SSBP1: variants seen among roughly 807,000 people sequenced by gnomAD.
SSBP1 encodes the protein single stranded DNA binding protein 1, also known as single-stranded DNA-binding protein, mitochondrial.
In SSBP1, 20 loss-of-function variants were observed where a neutral mutation model predicts 27.0. The ratio of observed to expected loss-of-function variants is 0.74; its 90% CI spans 0.52 to 1.08. SSBP1 has a LOEUF of 1.08. Ranked by LOEUF, SSBP1 falls within the 50% of genes least tolerant of loss-of-function variation. SSBP1 has a pLI of 0.00. For synonymous variants in SSBP1, 59 were observed against 59.3 expected (o/e 1.00, Z 0.02); for missense variants, 137 against 182.4 (o/e 0.75, Z 1.44).
Position 141,750,471 on chromosome 7 carries a change from A to G in SSBP1, c.*117A>G. 1 of 845,622 alleles carries G rather than the reference A, an allele frequency of 1.2e-6. No individual in the cohort carries two copies. 52.4% of individuals were successfully genotyped at this position (845,622 alleles called of 1,614,324 possible). A position where few individuals can be genotyped will look rare whatever the true frequency, so the allele number is the denominator to read the frequency against. The stretch of plus-strand genomic sequence containing the variant: ...ACTCTTTTACGTAAAATGAGTAATA[A>G]TCTTTTTTCTGACTGTCGTTCTCGC... On this transcript the variant is annotated 3_prime_UTR_variant, in exon 7 of 7. Transcript: ENST00000265304.
intron 3 of SSBP1, 46 bp from the exon 4 acceptor site, chr7:141,743,515 C>T: frequency 6.3e-7 from 1 of 1,595,850 alleles, no homozygotes; most frequent in Non-Finnish European, 8.6e-7. Context: ...CACAACTATT[C>T]AGTCTATAGC....
At chr7:141,743,349 A>G (rs994090135) in intron 3 of SSBP1, among the ~76,000 whole-genome samples, 6 of 152,172 alleles carry the variant, frequency 3.9e-5, no homozygotes, top group Admixed American at 1.3e-4. Flanking sequence ...GTGTCTTCAT[A>G]TGGTAGAGAC....
chr7:141,747,071 T>C (rs1374195803), intron 6 of SSBP1, among the ~76,000 whole-genome samples: 1 of 152,194 alleles, frequency 6.6e-6, no homozygotes, highest in Admixed American at 6.5e-5. Context: ...AACTTTAAAA[T>C]ATTTAAAAGA....
intron 6 of SSBP1, chr7:141,746,031 T>A: frequency 1.1e-6 from 1 of 934,366 alleles, no homozygotes; most frequent in Non-Finnish European, 1.3e-6. Flanking sequence ...TTTAATTTTA[T>A]TTTTTTTGAG....
intron 3 of SSBP1, among the ~76,000 whole-genome samples, chr7:141,742,894 G>A (rs964111228): frequency 5.9e-5 from 9 of 152,000 alleles, no homozygotes; most frequent in Non-Finnish European, 1.0e-4. Context: ...TTGCTCTGTC[G>A]CCCAGGCTGG....
Position 141,739,143 on chromosome 7 carries a change from C to A in SSBP1, c.-24C>A. 1 of 1,587,700 alleles carries A rather than the reference C, an allele frequency of 6.3e-7. No individual in the cohort carries two copies. The highest frequency in any genetic ancestry group is 8.6e-7 in the Non-Finnish European group (1 of 1,169,440). ...CTTCAGGAAAAGCCTAAAGATTAGA[C>A]TGTAAGAAAAGAAAATAGAAGCCAT... is the stretch of plus-strand genomic sequence containing the variant. On this transcript the variant is annotated 5_prime_UTR_variant, in exon 2 of 7. It adds an upstream start codon to the 5' untranslated region. Transcript: ENST00000265304.
intron 3 of SSBP1, among the ~76,000 whole-genome samples, chr7:141,743,168 T>C (rs1799629172): frequency 6.6e-6 from 1 of 152,210 alleles, no homozygotes; most frequent in South Asian, 2.1e-4. Context: ...TGGATTTCTT[T>C]AATGGTCAGC....
At chr7:141,740,655 A>G (rs1031230643) in intron 2 of SSBP1, 2 of 152,202 alleles carry the variant, frequency 1.3e-5, no homozygotes, top group African/African-American at 4.8e-5. Flanking sequence ...TGTGGTAGTG[A>G]CTACCTTTGC....
At chr7:141,741,064 ATC>A (rs1799508194) in intron 2 of SSBP1, 1 of 152,190 alleles carries the variant, frequency 6.6e-6, no homozygotes, top group African/African-American at 2.4e-5. Context: ...AATGTAACCT[ATC>A]TCTCGTTCTC....
chr7:141,743,745 AG>A, intron 4 of SSBP1, 44 bp downstream of exon 4: 3 of 1,593,004 alleles, frequency 1.9e-6, no homozygotes, highest in Non-Finnish European at 1.7e-6. Flanking sequence ...AGCAATAAAT[AG>A]ATATTATTTA....
intron 5 of SSBP1, among the ~76,000 whole-genome samples, chr7:141,744,877 A>T (rs939477381): frequency 6.6e-6 from 1 of 151,620 alleles, no homozygotes; most frequent in African/African-American, 2.4e-5. Context: ...GTGGTGGTAG[A>T]CTCTCAAAAC....
intron 3 of SSBP1, among the ~76,000 whole-genome samples, chr7:141,742,947 C>T (rs745947957): frequency 2.0e-4 from 31 of 152,162 alleles, no homozygotes; most frequent in Non-Finnish European, 3.2e-4. Context: ...CTCTGCCTCC[C>T]GGGTTCATGC....
At position 141,750,380 on chromosome 7, in the gene SSBP1, A is replaced by G. The variant is rs1161870881; in HGVS notation, c.*26A>G. On this transcript the variant is annotated 3_prime_UTR_variant, in exon 7 of 7. Transcript: ENST00000265304. ...AAAGGATGATTCTTCTTTGGCCATC[A>G]TTTGGTACAGTCTCATTTCCAAGTC... 1.9e-6 allele frequency: 3 copies of G among 1,575,052 alleles called. No individual in the cohort carries two copies. The highest frequency in any genetic ancestry group is 4.6e-5 in the East Asian group (2 of 43,688).
rs1407392393 is a variant in SSBP1, at chr7:141,750,400, C to T, written c.*46C>T. 1 of 1,471,068 alleles carries T rather than the reference C, an allele frequency of 6.8e-7. No individual in the cohort carries two copies. Among genetic ancestry groups the T allele is most frequent in the Admixed American group, 2.2e-5 (1 of 44,740 alleles). The allele number at this position is 1,471,068 out of a possible 1,614,324, so 91.1% of individuals were successfully genotyped here. Reference sequence around the variant, plus strand: ...CCATCATTTGGTACAGTCTCATTTCCAAGTCATGTATAATCTTTATGGCTT... The same window carrying T: ...CCATCATTTGGTACAGTCTCATTTCTAAGTCATGTATAATCTTTATGGCTT... On this transcript the variant is annotated 3_prime_UTR_variant, in exon 7 of 7. Transcript: ENST00000265304.
chr7:141,743,562 C>T lies in SSBP1; in HGVS notation c.87C>T (p.Ser29=). 1 of 1,613,912 alleles carries T rather than the reference C, an allele frequency of 6.2e-7. No individual in the cohort carries two copies. Among genetic ancestry groups the T allele is most frequent in the Non-Finnish European group, 8.5e-7 (1 of 1,179,952 alleles). The change falls in exon 4 of 7, where the codon TCC becomes TCT. Residue 29 remains serine (S), a splice_region_variant and synonymous_variant. Transcript: ENST00000265304. ...ETTTSLVLER[S]LNRVHLLGRV... Reference sequence around the variant, plus strand: ...TTTGGTCTTGATGTTGTGTTTCAGCCCTGAATCGTGTGCACTTACTTGGGC... The same window carrying T: ...TTTGGTCTTGATGTTGTGTTTCAGCTCTGAATCGTGTGCACTTACTTGGGC...
At chr7:141,746,630 G>A (rs1265207868) in intron 6 of SSBP1, 6 of 152,206 alleles carry the variant, frequency 3.9e-5, no homozygotes, top group Non-Finnish European at 8.8e-5. Context: ...ACAGGCATGA[G>A]CCATTATGCC....
chr7:141,742,327 G>A (rs1233156310), intron 3 of SSBP1, 98 bp downstream of exon 3: 2 of 863,576 alleles, frequency 2.3e-6, no homozygotes, highest in African/African-American at 1.7e-5. Context: ...TAACCATGTT[G>A]CCATTGTGCT....
intron 6 of SSBP1, among the ~76,000 whole-genome samples, chr7:141,748,266 C>T (rs1477916037): frequency 6.6e-6 from 1 of 151,966 alleles, no homozygotes. Flanking sequence ...ATTATCACAC[C>T]TAATATTAAT....
chr7:141,749,517 C>T (rs972068774), intron 6 of SSBP1, among the ~76,000 whole-genome samples: 6 of 152,242 alleles, frequency 3.9e-5, no homozygotes, highest in African/African-American at 1.2e-4. Context: ...GTGCGGTGCT[C>T]ATGCCTGTAA....
Sources: gnomAD v4.1 joint callset for allele counts (sites outside exome capture counted in the v4.1 genomes callset) on GRCh38, gnomAD v4.1.1 for gene constraint, MANE v1.5 for transcripts, NCBI Gene and HGNC (gene_info 2026-07-23, HGNC 2026-07-21) for gene names.